CMSS1: variants seen among roughly 807,000 people sequenced by gnomAD.
CMSS1 encodes protein CMSS1.
In CMSS1, 33 loss-of-function variants were observed where a neutral mutation model predicts 43.5. The ratio of observed to expected loss-of-function variants is 0.76; its 90% CI spans 0.57 to 1.01. The LOEUF is 1.01. Ranked by LOEUF, CMSS1 falls within the 50% of genes least tolerant of loss-of-function variation. CMSS1 has a pLI of 0.00. For missense variants in CMSS1, 313 were observed against 326.4 expected (o/e 0.96, Z 0.32); for synonymous variants, 115 against 117.2 (o/e 0.98, Z 0.12).
At chr3:99,858,245 C>T (rs1166546204) in intron 1 of CMSS1, among the ~76,000 whole-genome samples, 1 of 152,048 alleles carries the variant, frequency 6.6e-6, no homozygotes, top group Non-Finnish European at 1.5e-5. Context: ...GCAGGCGGAT[C>T]ATGAGGTGAG....
chr3:99,946,537 A>G (rs1708013343), intron 1 of CMSS1, among the ~76,000 whole-genome samples: 1 of 152,236 alleles, frequency 6.6e-6, no homozygotes, highest in Non-Finnish European at 1.5e-5. Context: ...AGCTGCAGCT[A>G]AAGAATGGGC....
intron 1 of CMSS1, among the ~76,000 whole-genome samples, chr3:100,001,473 C>T (rs1166337601): frequency 6.6e-6 from 1 of 152,194 alleles, no homozygotes; most frequent in East Asian, 1.9e-4. Flanking sequence ...TCAATCAGAA[C>T]AACCCAACTG....
intron 1 of CMSS1, among the ~76,000 whole-genome samples, chr3:99,843,685 A>G (rs529773269): frequency 6.6e-6 from 1 of 152,218 alleles, no homozygotes; most frequent in African/African-American, 2.4e-5. Flanking sequence ...TAAATCTACA[A>G]TTGGGCAAAA....
chr3:99,837,170 T>C (rs548417951), intron 1 of CMSS1, among the ~76,000 whole-genome samples: 2 of 152,334 alleles, frequency 1.3e-5, no homozygotes, highest in African/African-American at 2.4e-5. Flanking sequence ...GGGCTGCTTA[T>C]ATAAATTACT....
chr3:100,163,701 C>T (rs1423410069), intron 4 of CMSS1, among the ~76,000 whole-genome samples: 1 of 152,056 alleles, frequency 6.6e-6, no homozygotes, highest in Non-Finnish European at 1.5e-5. Context: ...CCATACCCAG[C>T]TTAAACAACT....
chr3:100,164,781 G>A (rs1029675757), intron 4 of CMSS1, among the ~76,000 whole-genome samples: 2 of 152,140 alleles, frequency 1.3e-5, no homozygotes, highest in African/African-American at 2.4e-5. Flanking sequence ...CACATATAAG[G>A]TAGATATAAA....
At chr3:99,855,745 G>C (rs1370685791) in intron 1 of CMSS1, among the ~76,000 whole-genome samples, 3 of 152,078 alleles carry the variant, frequency 2.0e-5, no homozygotes, top group African/African-American at 7.2e-5. Context: ...TTAAATGTTT[G>C]TTCTTATATC....
rs1169513719 is a variant in CMSS1, at chr3:99,968,113, C to G, written c.64+150070C>G. Reference sequence around the variant, plus strand: ...AGCACATTCTAGTAAAGGCAGTGATCAAGGGCACCTAGCCTTACGTGGCAA... The same window carrying G: ...AGCACATTCTAGTAAAGGCAGTGATGAAGGGCACCTAGCCTTACGTGGCAA... On this transcript the variant is annotated intron_variant, in intron 1 of 9. Coordinates refer to ENST00000421999, the MANE Select transcript of CMSS1 (RefSeq NM_032359.4). Among the ~76,000 whole-genome samples, 3 of 152,116 alleles carry G rather than the reference C, an allele frequency of 2.0e-5. No individual in the cohort carries two copies. In the East Asian group the frequency reaches 5.8e-4, roughly 29 times the overall value.
intron 1 of CMSS1, among the ~76,000 whole-genome samples, chr3:99,966,674 G>A (rs1708663110): frequency 6.6e-6 from 1 of 152,144 alleles, no homozygotes; most frequent in South Asian, 2.1e-4. Context: ...TCAAACTCTA[G>A]CAGATTTTAA....
At chr3:99,838,302 G>C (rs1488303292) in intron 1 of CMSS1, among the ~76,000 whole-genome samples, 1 of 152,120 alleles carries the variant, frequency 6.6e-6, no homozygotes, top group Admixed American at 6.5e-5. Context: ...ATTATCTCTT[G>C]TCACCCTAAC....
chr3:100,118,458 A>G (rs1377296022), intron 1 of CMSS1, among the ~76,000 whole-genome samples: 1 of 152,122 alleles, frequency 6.6e-6, no homozygotes, highest in African/African-American at 2.4e-5. Flanking sequence ...GAGTTACAGG[A>G]CAGCTTTTCA....
intron 1 of CMSS1, among the ~76,000 whole-genome samples, chr3:99,836,312 C>T (rs1239429603): frequency 1.3e-5 from 2 of 152,048 alleles, no homozygotes; most frequent in African/African-American, 4.8e-5. Flanking sequence ...GATGTTGAAC[C>T]TGAGCAGTGG....
At chr3:100,163,036 A>C (rs1487922191) in intron 4 of CMSS1, among the ~76,000 whole-genome samples, 1 of 152,268 alleles carries the variant, frequency 6.6e-6, no homozygotes, top group South Asian at 2.1e-4. Context: ...CTGATAGATT[A>C]TATCAAATAG....
chr3:99,982,142 T>C (rs1194084003), intron 1 of CMSS1, among the ~76,000 whole-genome samples: 1 of 152,198 alleles, frequency 6.6e-6, no homozygotes, highest in Non-Finnish European at 1.5e-5. Flanking sequence ...ACTAAAACAA[T>C]ATAAGTGCTA....
chr3:99,930,160 T>G, intron 1 of CMSS1: 2 of 755,488 alleles, frequency 2.6e-6, no homozygotes, highest in Non-Finnish European at 4.2e-6. Context: ...ATTTTCACAC[T>G]TTTATAAAAG....
intron 1 of CMSS1, among the ~76,000 whole-genome samples, chr3:99,954,032 G>T (rs550546987): frequency 6.6e-6 from 1 of 152,352 alleles, no homozygotes; most frequent in South Asian, 2.1e-4. Context: ...TTACCTTGTT[G>T]TACATGTGAC....
intron 1 of CMSS1, among the ~76,000 whole-genome samples, chr3:99,947,868 T>C (rs1166145376): frequency 6.6e-6 from 1 of 152,130 alleles, no homozygotes; most frequent in Non-Finnish European, 1.5e-5. Context: ...TCTTTAACAA[T>C]AGGACATTTA....
intron 1 of CMSS1, among the ~76,000 whole-genome samples, chr3:99,827,216 G>A (rs1942552017): frequency 1.3e-5 from 2 of 152,112 alleles, no homozygotes; most frequent in African/African-American, 4.8e-5. Context: ...TTTTGAGACA[G>A]AGTCTCACTC....
At chr3:100,037,175 C>G (rs1315148350) in intron 1 of CMSS1, among the ~76,000 whole-genome samples, 1 of 150,896 alleles carries the variant, frequency 6.6e-6, no homozygotes, top group Non-Finnish European at 1.5e-5. Flanking sequence ...TATACATTTC[C>G]TGATTTTGAT....
Sources: gnomAD v4.1 joint callset for allele counts (sites outside exome capture counted in the v4.1 genomes callset) on GRCh38, gnomAD v4.1.1 for gene constraint, MANE v1.5 for transcripts, NCBI Gene and HGNC (gene_info 2026-07-23, HGNC 2026-07-21) for gene names.